The following SUGCT variants were observed in gnomAD, a reference collection of about 807,000 sequenced individuals.
The protein encoded by SUGCT is succinyl-CoA:glutarate CoA-transferase.
Under a neutral mutation model 55.0 loss-of-function variants are expected in SUGCT, and 41 were observed. The observed-to-expected ratio is 0.74, with a 90% CI of 0.58 to 0.97. SUGCT has a LOEUF of 0.97. Among genes scored for constraint, SUGCT ranks in the 50% least tolerant of loss-of-function variants. SUGCT has a pLI of 0.00. For synonymous variants in SUGCT, 187 were observed against 200.4 expected, an observed-to-expected ratio of 0.93 and a Z score of 0.56; for missense variants, 568 against 547.8, an observed-to-expected ratio of 1.04 and a Z score of -0.37.
intron 6 of SUGCT, among the ~76,000 whole-genome samples, chr7:40,200,858 A>G (rs539844585): frequency 6.6e-6 from 1 of 152,314 alleles, no homozygotes; most frequent in South Asian, 2.1e-4. Context: ...TTTAAAGATT[A>G]TTAAAGGCCC....
At chr7:40,493,139 T>C (rs955744298) in intron 11 of SUGCT, among the ~76,000 whole-genome samples, 1 of 152,230 alleles carries the variant, frequency 6.6e-6, no homozygotes, top group Non-Finnish European at 1.5e-5. Flanking sequence ...ACAGTCATTA[T>C]GTGTTAGAAC....
At chr7:40,839,415 A>G (rs1182177779) in intron 13 of SUGCT, among the ~76,000 whole-genome samples, 1 of 152,010 alleles carries the variant, frequency 6.6e-6, no homozygotes, top group Non-Finnish European at 1.5e-5. Flanking sequence ...GCTAATTTTT[A>G]TTGGTTTTGA....
intron 13 of SUGCT, among the ~76,000 whole-genome samples, chr7:40,821,579 T>G (rs1475265552): frequency 6.6e-6 from 1 of 152,230 alleles, no homozygotes; most frequent in Non-Finnish European, 1.5e-5. Context: ...TCTTTGATGG[T>G]AATTTGTATT....
intron 6 of SUGCT, among the ~76,000 whole-genome samples, chr7:40,221,406 C>T (rs1302432300): frequency 6.8e-5 from 10 of 147,866 alleles, no homozygotes; most frequent in African/African-American, 2.3e-4. Context: ...AGAGCGAGAC[C>T]CTGTCTCAAA....
At chr7:40,928,249 T>A in the SUGCT span, among the ~76,000 whole-genome samples, 1 of 152,146 alleles carries the variant, frequency 6.6e-6, no homozygotes. Flanking sequence ...TTTTTCAACA[T>A]CCACTCCATT....
the SUGCT span, among the ~76,000 whole-genome samples, chr7:40,890,257 TTA>T: frequency 1.4e-5 from 2 of 143,934 alleles, no homozygotes; most frequent in East Asian, 3.9e-4. Context: ...TATTATATAT[TTA>T]TATTATATAA....
At chr7:40,433,497 G>A (rs1788014704) in intron 9 of SUGCT, among the ~76,000 whole-genome samples, 1 of 152,156 alleles carries the variant, frequency 6.6e-6, no homozygotes, top group East Asian at 1.9e-4. Context: ...CAGTTTTAGA[G>A]TTTATTAGTC....
chr7:40,630,040 T>C (rs973134547), intron 12 of SUGCT, among the ~76,000 whole-genome samples: 1 of 152,202 alleles, frequency 6.6e-6, no homozygotes, highest in Non-Finnish European at 1.5e-5. Context: ...TCCTGACTTC[T>C]TGCTTCATGA....
the SUGCT span, among the ~76,000 whole-genome samples, chr7:41,006,519 C>G: frequency 3.9e-5 from 6 of 152,172 alleles, no homozygotes; most frequent in Non-Finnish European, 7.3e-5. Flanking sequence ...GAAAGTTATT[C>G]ATTTATTGGA....
intron 1 of SUGCT, among the ~76,000 whole-genome samples, chr7:40,150,167 A>T (rs544726576): frequency 5.3e-5 from 8 of 152,216 alleles, no homozygotes; most frequent in African/African-American, 1.7e-4. Flanking sequence ...TACTCCTAAG[A>T]TCAGTGCTTG....
intron 12 of SUGCT, among the ~76,000 whole-genome samples, chr7:40,722,829 A>G (rs1786414884): frequency 6.6e-6 from 1 of 152,204 alleles, no homozygotes. Flanking sequence ...TTCTTGGTCA[A>G]TAAAATGTCT....
At chr7:41,008,363 G>A in the SUGCT span, among the ~76,000 whole-genome samples, 1 of 152,262 alleles carries the variant, frequency 6.6e-6, no homozygotes, top group East Asian at 1.9e-4. Context: ...GGAGCCTGGA[G>A]GAACCTCCTG....
intron 12 of SUGCT, among the ~76,000 whole-genome samples, chr7:40,746,589 A>G (rs1005574468): frequency 6.6e-6 from 1 of 152,228 alleles, no homozygotes; most frequent in Non-Finnish European, 1.5e-5. Flanking sequence ...AAAGGCATTG[A>G]TAAGGTTAAA....
At chr7:40,952,518 C>G in the SUGCT span, among the ~76,000 whole-genome samples, 1 of 152,092 alleles carries the variant, frequency 6.6e-6, no homozygotes, top group Non-Finnish European at 1.5e-5. Flanking sequence ...GGTTATTTTG[C>G]TCATTAGTTG....
At chr7:40,274,360 A>G (rs1025300922) in intron 7 of SUGCT, among the ~76,000 whole-genome samples, 153 bp from the exon 8 acceptor site, 1 of 152,158 alleles carries the variant, frequency 6.6e-6, no homozygotes, top group Non-Finnish European at 1.5e-5. Context: ...GATATTCACA[A>G]TAGCAATTTA....
Position 40,170,436 on chromosome 7 carries a change from ACT to A in SUGCT, c.101-10508_101-10507del, listed in dbSNP as rs377703775. ...GTCTGACAGGGAGAAAAGTACATAC[ACT>A]CTGACTGGGCTGAATTCTCCAGAAT... On this transcript the variant is annotated intron_variant, in intron 1 of 13. Coordinates refer to ENST00000335693, the MANE Select transcript of SUGCT (RefSeq NM_001193313.2). 2.9e-3 allele frequency among the ~76,000 whole-genome samples: 435 copies of A among 152,062 alleles called. 2 individuals are homozygous for A. Among genetic ancestry groups the A allele is most frequent in the African/African-American group, 9.4e-3 (389 of 41,470 alleles).
chr7:40,865,912 A>C, the SUGCT span, among the ~76,000 whole-genome samples: 1 of 152,184 alleles, frequency 6.6e-6, no homozygotes. Flanking sequence ...CAGCAGGCTG[A>C]AAACACTTTG....
At chr7:40,532,508 T>C (rs1214791524) in intron 12 of SUGCT, among the ~76,000 whole-genome samples, 1 of 150,350 alleles carries the variant, frequency 6.7e-6, no homozygotes, top group East Asian at 2.0e-4. Flanking sequence ...TCTGACACCC[T>C]GAACTGAGCA....
rs75261449 is a variant in SUGCT at position 40,644,179 on chromosome 7, C to T, written c.1090-105255C>T. ...AGGGGGGAAAGATGGCGGAGGTTTC[C>T]TGGGAGAAACTCTGACAAATAAATC... On this transcript the variant is annotated intron_variant, in intron 12 of 13. Transcript: ENST00000335693. Among the ~76,000 whole-genome samples, 641 of 152,278 alleles carry T rather than the reference C, an allele frequency of 4.2e-3. 4 individuals are homozygous for T. The highest frequency in any genetic ancestry group is 0.014 in the African/African-American group (594 of 41,570).
Sources: allele counts gnomAD v4.1 joint callset (sites outside exome capture counted in the v4.1 genomes callset), GRCh38; gene constraint gnomAD v4.1.1; transcripts MANE v1.5; gene names NCBI Gene and HGNC (gene_info 2026-07-23, HGNC 2026-07-21).